LIMK2: variants seen among roughly 807,000 people sequenced by gnomAD.
The protein encoded by LIMK2 is LIM domain kinase 2.
LIMK2 carries 35 observed loss-of-function variants against 75.7 expected under a neutral mutation model. The observed-to-expected ratio is 0.46, with a 90% CI of 0.35 to 0.61. LIMK2 has a LOEUF of 0.61. Ranked by LOEUF, LIMK2 falls within the 20% of genes least tolerant of loss-of-function variation. The pLI is 0.00. For synonymous variants in LIMK2, 301 were observed against 319.2 expected, an observed-to-expected ratio of 0.94 and a Z score of 0.61; for missense variants, 623 against 831.0, an observed-to-expected ratio of 0.75 and a Z score of 3.08.
intron 2 of LIMK2, among the ~76,000 whole-genome samples, chr22:31,226,773 C>G (rs1320876429): frequency 6.6e-6 from 1 of 152,206 alleles, no homozygotes; most frequent in Non-Finnish European, 1.5e-5. Context: ...CCACGCCCAG[C>G]TAATTTTTGT....
intron 11 of LIMK2, 86 bp from the exon 12 acceptor site, chr22:31,271,050 A>G: frequency 8.0e-7 from 1 of 1,242,586 alleles, no homozygotes; most frequent in Non-Finnish European, 1.2e-6. Context: ...ATGGCCTGGT[A>G]GGAGAGCATC....
At chr22:31,259,866 TC>T in intron 4 of LIMK2, 22 bp from the exon 5 acceptor site, 4 of 1,584,166 alleles carry the variant, frequency 2.5e-6, no homozygotes, top group African/African-American at 1.4e-5. Flanking sequence ...AGCATCTTAT[TC>T]CCCCCTGTGC....
At chr22:31,245,372 G>A (rs1304084901) in intron 2 of LIMK2, among the ~76,000 whole-genome samples, 1 of 152,146 alleles carries the variant, frequency 6.6e-6, no homozygotes, top group Non-Finnish European at 1.5e-5. Flanking sequence ...CACGAACTCA[G>A]CTCACCGCAA....
chr22:31,232,968 C>G (rs1183996341), intron 2 of LIMK2, among the ~76,000 whole-genome samples: 1 of 152,200 alleles, frequency 6.6e-6, no homozygotes, highest in African/African-American at 2.4e-5. Flanking sequence ...ACCATGGGCT[C>G]CAGCCTGGCT....
chr22:31,266,165 G>GC, intron 8 of LIMK2, 33 bp downstream of exon 8: 1 of 1,604,488 alleles, frequency 6.2e-7, no homozygotes, highest in Non-Finnish European at 8.5e-7. Context: ...TTGCTCTTCT[G>GC]CCCCCAGTCC....
At position 31,259,156 on chromosome 22, in the gene LIMK2, T is replaced by C; in HGVS notation, c.288T>C (p.Phe96=). 6.2e-7 allele frequency: 1 copy of C among 1,613,888 alleles called. No individual in the cohort carries two copies. The highest frequency in any genetic ancestry group is 8.5e-7 in the Non-Finnish European group (1 of 1,179,804). The change falls in exon 4 of 16, where the codon TTT becomes TTC. Residue 96 remains phenylalanine, a synonymous_variant. Coordinates refer to ENST00000331728, the MANE Select transcript of LIMK2 (RefSeq NM_005569.4). The part of the protein sequence containing the change: ...AGEFKYHPEC[F]ACMSCKVIIE... The stretch of plus-strand genomic sequence containing the variant: ...AGTTCAAGTACCACCCAGAGTGCTT[T>C]GCCTGTATGAGCTGCAAGGTGATCA...
intron 2 of LIMK2, among the ~76,000 whole-genome samples, chr22:31,254,363 G>C (rs1294487641): frequency 6.6e-6 from 1 of 152,246 alleles, no homozygotes; most frequent in African/African-American, 2.4e-5. Context: ...GAAGGACCTG[G>C]TGACCAGGAG....
chr22:31,214,820 G>C (rs2048376976), intron 1 of LIMK2, among the ~76,000 whole-genome samples: 1 of 152,126 alleles, frequency 6.6e-6, no homozygotes, highest in South Asian at 2.1e-4. Context: ...TGGGGAGGAA[G>C]AGTCTTGCTC....
intron 1 of LIMK2, among the ~76,000 whole-genome samples, chr22:31,218,059 A>T (rs984617285): frequency 6.6e-6 from 1 of 152,162 alleles, no homozygotes; most frequent in South Asian, 2.1e-4. Context: ...TCCCCAGCCA[A>T]CTTCCTAGAT....
chr22:31,276,658 C>T (rs576657863), intron 15 of LIMK2: 10 of 1,022,220 alleles, frequency 9.8e-6, no homozygotes, highest in Non-Finnish European at 1.2e-5. Flanking sequence ...CAAGGAGGGG[C>T]CCCACGCGCG....
At chr22:31,235,503 A>G (rs1239481999) in intron 2 of LIMK2, among the ~76,000 whole-genome samples, 1 of 152,174 alleles carries the variant, frequency 6.6e-6, no homozygotes, top group African/African-American at 2.4e-5. Flanking sequence ...ACTTCTCTGT[A>G]GCTACAATCC....
At chr22:31,225,284 A>C (rs1165894151) in intron 1 of LIMK2, among the ~76,000 whole-genome samples, 2 of 152,208 alleles carry the variant, frequency 1.3e-5, no homozygotes, top group African/African-American at 4.8e-5. Context: ...CTTTTGAGGA[A>C]TAGGAAAAGG....
rs1403416830 is a variant in LIMK2, at chr22:31,279,390, CA to C, written c.*951del. 3.9e-5 allele frequency: 6 copies of C among 152,242 alleles called. No individual in the cohort carries two copies. The highest frequency in any genetic ancestry group is 1.4e-4 in the African/African-American group (6 of 41,436). The allele number at this position is 152,242 out of a possible 1,614,324, so 9.4% of individuals were successfully genotyped here. Reference sequence around the variant, plus strand: ...TGAGGGAGGGGAGTGGGAGTCTCAGCAATCTCTTGGTCTTGGCTTCATGGCA... The same window carrying C: ...TGAGGGAGGGGAGTGGGAGTCTCAGCATCTCTTGGTCTTGGCTTCATGGCA... On this transcript the variant is annotated 3_prime_UTR_variant, in exon 16 of 16. Transcript: ENST00000331728.
At chr22:31,236,154 C>T (rs2048572211) in intron 2 of LIMK2, among the ~76,000 whole-genome samples, 1 of 151,970 alleles carries the variant, frequency 6.6e-6, no homozygotes, top group African/African-American at 2.4e-5. Context: ...ATTAGCCAGG[C>T]ATGATGGCGG....
At chr22:31,215,559 G>C (rs1317280022) in intron 1 of LIMK2, among the ~76,000 whole-genome samples, 2 of 152,196 alleles carry the variant, frequency 1.3e-5, no homozygotes, top group Non-Finnish European at 2.9e-5. Context: ...CCAGAACCAA[G>C]GTAAGACTTC....
intron 15 of LIMK2, among the ~76,000 whole-genome samples, chr22:31,276,273 T>TTCTTTTAAAAACAAGTTCAAACA (rs1486118074): frequency 1.3e-5 from 2 of 152,158 alleles, no homozygotes; most frequent in Non-Finnish European, 2.9e-5. Flanking sequence ...AAAATCATGT[T>TTCTTTTAAAAACAAGTTCAAACA]TCTTTTAAAA....
chr22:31,265,190 T>TC (rs1335747354), intron 7 of LIMK2, among the ~76,000 whole-genome samples: 1 of 13,918 alleles, frequency 7.2e-5, no homozygotes, highest in East Asian at 3.5e-3. Context: ...TGAGACTCCA[T>TC]CAAAAAAAAA....
At chr22:31,256,950 GT>G (rs2048788743) in intron 2 of LIMK2, among the ~76,000 whole-genome samples, 2 of 151,808 alleles carry the variant, frequency 1.3e-5, no homozygotes, top group African/African-American at 4.8e-5. Flanking sequence ...GGAGGAAGAG[GT>G]TGTCTGTGCA....
Position 31,262,915 on chromosome 22 carries a change from T to G in LIMK2, c.854+124T>G, listed in dbSNP as rs2048855719. 3.4e-6 allele frequency: 3 copies of G among 890,724 alleles called. No individual in the cohort carries two copies. Among genetic ancestry groups the G allele is most frequent in the African/African-American group, 1.7e-5 (1 of 58,388 alleles). The allele number at this position is 890,724 out of a possible 1,614,324, so 55.2% of individuals were successfully genotyped here. ...CTGGCCAGGGACAGACTATGAGGAT[T>G]GTGCTGACCCAGCTGCCCCTGTGGG... On this transcript the variant is annotated intron_variant, in intron 7 of 15. Coordinates refer to ENST00000331728, the MANE Select transcript of LIMK2 (RefSeq NM_005569.4). The surrounding 1 kb of genome is among the most constrained non-coding windows in gnomAD (Gnocchi z 5.0).
Sources: allele counts gnomAD v4.1 joint callset (sites outside exome capture counted in the v4.1 genomes callset), GRCh38; gene constraint gnomAD v4.1.1; non-coding constraint Gnocchi (gnomAD v3.1); transcripts MANE v1.5; gene names NCBI Gene and HGNC (gene_info 2026-07-23, HGNC 2026-07-21).